CAPN11: variants seen among roughly 807,000 people sequenced by gnomAD.
The protein encoded by CAPN11 is calpain 11.
A neutral mutation model predicts 105.3 loss-of-function variants in CAPN11; 108 were observed. The observed-to-expected ratio is 1.03, with a 90% CI of 0.88 to 1.20. CAPN11 has a LOEUF of 1.20. Ranked by LOEUF, CAPN11 falls within the 50% of genes most tolerant of loss-of-function variation. The pLI, the probability that CAPN11 is intolerant of heterozygous loss-of-function variation, is 0.00. For missense variants in CAPN11, 883 were observed against 924.8 expected, an observed-to-expected ratio of 0.95 and a Z score of 0.59; for synonymous variants, 329 against 344.5, an observed-to-expected ratio of 0.96 and a Z score of 0.50.
chr6:44,168,010 C>T (rs1770261738), intron 2 of CAPN11, among the ~76,000 whole-genome samples: 1 of 151,768 alleles, frequency 6.6e-6, no homozygotes, highest in South Asian at 2.1e-4. Flanking sequence ...CATGGCAAGA[C>T]TCTGCCTCTT....
rs761140316 is a variant in CAPN11 at position 44,183,110 on chromosome 6, C to T, written c.2018-9C>T. ...TTTTCCCCTCCCCACTTCTCTCTCCCTCTCTCAGGCATCAAGCTGAACAAC... is the reference window on the plus strand; with the variant it reads ...TTTTCCCCTCCCCACTTCTCTCTCCTTCTCTCAGGCATCAAGCTGAACAAC... On this transcript the variant is annotated splice_polypyrimidine_tract_variant and intron_variant, in intron 20 of 22. Coordinates refer to ENST00000398776, the MANE Select transcript of CAPN11 (RefSeq NM_007058.4). 1 of 1,606,632 alleles carries T rather than the reference C, an allele frequency of 6.2e-7. No homozygotes were observed. The highest frequency in any genetic ancestry group is 1.7e-5 in the Admixed American group (1 of 60,022).
chr6:44,179,274 C>T lies in CAPN11; in HGVS notation c.1417-345C>T, dbSNP rs139096142. ...ATGATAAAAATCTACCTTGCATAAACTGTACTTTCCTATCCAAAGCTGAAG... is the reference window on the plus strand; with the variant it reads ...ATGATAAAAATCTACCTTGCATAAATTGTACTTTCCTATCCAAAGCTGAAG... On this transcript the variant is annotated intron_variant, in intron 12 of 22. Transcript: ENST00000398776. Among the ~76,000 whole-genome samples, 289 of 151,794 alleles carry T rather than the reference C, an allele frequency of 1.9e-3. 9 individuals carry two copies. In the East Asian group the frequency reaches 0.047, roughly 24 times the overall value.
At position 44,183,109 on chromosome 6, in the gene CAPN11, CCT is replaced by C; in HGVS notation, c.2018-4_2018-3del. The stretch of plus-strand genomic sequence containing the variant: ...CTTTTCCCCTCCCCACTTCTCTCTC[CCT>C]CTCTCAGGCATCAAGCTGAACAACA... On this transcript the variant is annotated splice_region_variant and splice_polypyrimidine_tract_variant and intron_variant, in intron 20 of 22. Transcript: ENST00000398776. The C allele has an allele frequency of 6.2e-7, 1 of 1,606,876 alleles. No homozygotes were observed. Among genetic ancestry groups the C allele is most frequent in the South Asian group, 1.1e-5 (1 of 90,946 alleles).
chr6:44,169,256 A>G (rs1263829068), intron 2 of CAPN11, 25 bp from the exon 3 acceptor site: 1 of 1,586,138 alleles, frequency 6.3e-7, no homozygotes, highest in African/African-American at 1.4e-5. Flanking sequence ...TACTTGCGTT[A>G]TTTCTCTTTT....
chr6:44,183,926 G>C lies in CAPN11; in HGVS notation c.2214G>C (p.Trp738Cys). 2 of 1,556,118 alleles carry C rather than the reference G, an allele frequency of 1.3e-6. No individual in the cohort carries two copies. Among genetic ancestry groups the C allele is most frequent in the Non-Finnish European group, 1.7e-6 (2 of 1,149,490 alleles). Residue 738 changes from tryptophan to cysteine, a missense_variant, in exon 23 of 23, where the codon TGG becomes TGC. Coordinates refer to ENST00000398776, the MANE Select transcript of CAPN11 (RefSeq NM_007058.4). ...CACAGTGGCTGCAGATGACCATGTGGGGATAGAGGCGCTGTAGGAGCCTGG... is the reference window on the plus strand; with the variant it reads ...CACAGTGGCTGCAGATGACCATGTGCGGATAGAGGCGCTGTAGGAGCCTGG... ...SLEQWLQMTM[W>C]G
chr6:44,171,949 C>A (rs1771078163), intron 4 of CAPN11, among the ~76,000 whole-genome samples: 1 of 152,090 alleles, frequency 6.6e-6, no homozygotes, highest in Admixed American at 6.6e-5. Flanking sequence ...GCCTGTGGTC[C>A]CAGCTACTCA....
intron 19 of CAPN11, among the ~76,000 whole-genome samples, chr6:44,182,268 ATACAGACACAACCACAC>A (rs1561855686): frequency 3.2e-5 from 4 of 124,842 alleles, no homozygotes; most frequent in East Asian, 2.4e-4. Flanking sequence ...ACACACACAC[ATACAGACACAACCACAC>A]CACACACACA....
In CAPN11 at chr6:44,176,142, C is replaced by A; in HGVS notation, c.906C>A (p.Gly302=). ...GAGGGCACGCTTACTCTGTGACTGG[C>A]CTTCAGGATGTGAGTCCTGAGAAAT... The part of the protein sequence containing the change: ...LVRGHAYSVT[G]LQDVHYRGKM... The change falls in exon 8 of 23, where the codon GGC becomes GGA. Residue 302 remains glycine (G), a synonymous_variant. Transcript: ENST00000398776. 6.2e-7 allele frequency: 1 copy of A among 1,612,014 alleles called. No individual in the cohort carries two copies.
chr6:44,166,344 G>A (rs926979258), intron 1 of CAPN11, among the ~76,000 whole-genome samples: 9 of 152,126 alleles, frequency 5.9e-5, no homozygotes, highest in African/African-American at 1.2e-4. Flanking sequence ...TTCACCCCGC[G>A]CCCAACCCTC....
chr6:44,177,089 G>A (rs989853881), intron 11 of CAPN11, 91 bp downstream of exon 11: 22 of 1,507,220 alleles, frequency 1.5e-5, no homozygotes, highest in South Asian at 3.6e-5. Context: ...ACGAGTCACC[G>A]GAGTCAGGGT....
Position 44,169,951 on chromosome 6 carries a change from A to G in CAPN11, c.385A>G (p.Thr129Ala), listed in dbSNP as rs1160183973. The change falls in exon 4 of 23, where the codon ACA becomes GCA. Residue 129 changes from threonine to alanine, a missense_variant. Physicochemically the swap from Thr to Ala is moderately conservative, Grantham distance 58 (BLOSUM62 0). Transcript: ENST00000398776. ...PLFIMDGISP[T>A]DICQGILGDC... Reference sequence around the variant, plus strand: ...ATTCATCATGGATGGGATTTCTCCAACAGACATCTGCCAGGGGATCCTCGG... The same window carrying G: ...ATTCATCATGGATGGGATTTCTCCAGCAGACATCTGCCAGGGGATCCTCGG... 1 of 1,612,146 alleles carries G rather than the reference A, an allele frequency of 6.2e-7. No individual in the cohort carries two copies. The highest frequency in any genetic ancestry group is 1.7e-5 in the Admixed American group (1 of 59,752).
In CAPN11 at chr6:44,184,317, A is replaced by T; in HGVS notation, c.*385A>T. 1 of 246,740 alleles carries T rather than the reference A, an allele frequency of 4.1e-6. No individual in the cohort carries two copies. Among genetic ancestry groups the T allele is most frequent in the East Asian group, 8.5e-5 (1 of 11,828 alleles). The allele number at this position is 246,740 out of a possible 1,614,324, so 15.3% of individuals were successfully genotyped here. On this transcript the variant is annotated 3_prime_UTR_variant, in exon 23 of 23. Transcript: ENST00000398776. ...CATGCTTGCTGTCCTGCTCACACCT[A>T]CCTGCTGACCACCCATCCTGGCACA...
chr6:44,168,987 T>C, intron 2 of CAPN11: 1 of 479,862 alleles, frequency 2.1e-6, no homozygotes, highest in Non-Finnish European at 4.1e-6. Context: ...CCATCACATC[T>C]CATTGCAGCC....
At chr6:44,178,672 C>T (rs1388484127) in intron 12 of CAPN11, among the ~76,000 whole-genome samples, 3 of 146,116 alleles carry the variant, frequency 2.1e-5, no homozygotes, top group East Asian at 2.0e-4. Flanking sequence ...TTTGAGAGGC[C>T]GAGGTGGGAG....
At chr6:44,165,794 A>G (rs1438418813) in intron 1 of CAPN11, among the ~76,000 whole-genome samples, 1 of 152,152 alleles carries the variant, frequency 6.6e-6, no homozygotes, top group African/African-American at 2.4e-5. Context: ...GGCTGGCCTT[A>G]TCCTGCTGGC....
rs146568798 is a variant in CAPN11 at position 44,183,961 on chromosome 6, C to CCAG, written c.*43_*45dup. The CCAG allele has an allele frequency of 3.3e-3, 5,077 of 1,551,890 alleles. 52 individuals are homozygous for CCAG. The highest frequency in any genetic ancestry group is 0.022 in the African/African-American group (1,607 of 73,138). On this transcript the variant is annotated 3_prime_UTR_variant, in exon 23 of 23. Transcript: ENST00000398776. ...CGCTGTAGGAGCCTGGTCATCTCTA[C>CCAG]CAGCAGCAGCAGCAGCGAGGTTCTA...
rs779577012 is a variant in CAPN11 at position 44,180,821 on chromosome 6, C to T, written c.1804+16C>T. On this transcript the variant is annotated intron_variant, in intron 17 of 22. Coordinates refer to ENST00000398776, the MANE Select transcript of CAPN11 (RefSeq NM_007058.4). ...GCCATCAAATGTGAGTCTTCCACTCCTGCTGCACACGACCCCTCCCCCATA... is the reference window on the plus strand; with the variant it reads ...GCCATCAAATGTGAGTCTTCCACTCTTGCTGCACACGACCCCTCCCCCATA... 6.2e-7 allele frequency: 1 copy of T among 1,612,802 alleles called. No homozygotes were observed. Among genetic ancestry groups the T allele is most frequent in the African/African-American group, 1.3e-5 (1 of 74,806 alleles).
At position 44,172,942 on chromosome 6, in the gene CAPN11, T is replaced by C. The variant is rs368767278; in HGVS notation, c.531T>C (p.Ile177=). 6.2e-6 allele frequency: 10 copies of C among 1,613,250 alleles called. No individual in the cohort carries two copies. The highest frequency in any genetic ancestry group is 4.4e-5 in the South Asian group (4 of 90,888). ...GGGTGTGTGTTTGCTACCCACAGAT[T>C]TGGCAGTTTGGACAGTGGGTGAACG... ...KNYAGIFHFQ[I]WQFGQWVNVV... The change falls in exon 6 of 23, where the codon ATT becomes ATC. Residue 177 remains isoleucine, a splice_region_variant and synonymous_variant. Coordinates refer to ENST00000398776, the MANE Select transcript of CAPN11 (RefSeq NM_007058.4).
chr6:44,177,202 G>A (rs1025737903), intron 11 of CAPN11, 40 bp from the exon 12 acceptor site: 1 of 1,544,774 alleles, frequency 6.5e-7, no homozygotes, highest in Non-Finnish European at 8.8e-7. Context: ...GTGGCCAAGG[G>A]AAGCCCCCGT....
Sources: gnomAD v4.1 joint callset for allele counts (sites outside exome capture counted in the v4.1 genomes callset) on GRCh38, gnomAD v4.1.1 for gene constraint, MANE v1.5 for transcripts, NCBI Gene and HGNC (gene_info 2026-07-23, HGNC 2026-07-21) for gene names.